SAMM50: variants seen among roughly 807,000 people sequenced by gnomAD.
The protein encoded by SAMM50 is sorting and assembly machinery component 50 homolog.
In SAMM50, 47 loss-of-function variants were observed where a neutral mutation model predicts 66.9. The ratio of observed to expected loss-of-function variants is 0.70; its 90% CI spans 0.56 to 0.90. SAMM50 has a LOEUF of 0.90. Among genes scored for constraint, SAMM50 ranks in the 40% least tolerant of loss-of-function variants. SAMM50 has a pLI of 0.00. For synonymous variants in SAMM50, 191 were observed against 214.1 expected (o/e 0.89, Z 0.94); for missense variants, 535 against 595.3 (o/e 0.90, Z 1.05).
chr22:43,976,031 A>G (rs1424466807), intron 7 of SAMM50, 24 bp from the exon 8 acceptor site: 2 of 1,596,080 alleles, frequency 1.3e-6, no homozygotes, highest in East Asian at 4.5e-5. Context: ...TGGTCCGGAA[A>G]GATGTCTGAT....
At chr22:43,955,866 GA>G (rs1336419600) in intron 1 of SAMM50, among the ~76,000 whole-genome samples, 1 of 152,232 alleles carries the variant, frequency 6.6e-6, no homozygotes, top group Non-Finnish European at 1.5e-5. Context: ...AACTTTCTGT[GA>G]TGTCTTAGAC....
chr22:43,977,830 A>C, intron 9 of SAMM50, 42 bp from the exon 10 acceptor site: 1 of 1,332,440 alleles, frequency 7.5e-7, no homozygotes, highest in Non-Finnish European at 1.1e-6. Context: ...CCCTGTAATA[A>C]GTCTGTTTGC....
At chr22:43,957,604 G>A (rs1395795890) in intron 1 of SAMM50, among the ~76,000 whole-genome samples, 1 of 152,132 alleles carries the variant, frequency 6.6e-6, no homozygotes, top group East Asian at 1.9e-4. Context: ...TGTATTTTTA[G>A]TAGAGACGGG....
intron 13 of SAMM50, 82 bp downstream of exon 13, chr22:43,989,339 CTT>C (rs34147065): frequency 0.014 from 14,009 of 968,320 alleles, no homozygotes; most frequent in Middle Eastern, 0.018. Context: ...AGGTGTCTGT[CTT>C]TTTTTTTTTT....
rs938573203 is a variant in SAMM50, at chr22:43,972,122, A to G, written c.323-114A>G. 38 of 587,324 alleles carry G rather than the reference A, an allele frequency of 6.5e-5. 1 individual carries two copies. Among genetic ancestry groups the G allele is most frequent in the Middle Eastern group, 2.7e-4 (1 of 3,768 alleles). 36.4% of individuals were successfully genotyped at this position (587,324 alleles called of 1,614,324 possible). A position where few individuals can be genotyped will look rare whatever the true frequency, so the allele number is the denominator to read the frequency against. The stretch of plus-strand genomic sequence containing the variant: ...TTCTCATGATTATATTATTTTCTAA[A>G]GGAGATTGTAAAATAGAATGAACCT... On this transcript the variant is annotated intron_variant, in intron 4 of 14. Transcript: ENST00000350028.
At chr22:43,973,415 A>ATC in intron 7 of SAMM50, 92 bp downstream of exon 7, 2 of 762,392 alleles carry the variant, frequency 2.6e-6, no homozygotes, top group Non-Finnish European at 4.7e-6. Context: ...GGCAGCGTGG[A>ATC]AAGCACAGGC....
chr22:43,973,141 A>T lies in SAMM50; in HGVS notation c.561-95A>T, dbSNP rs1458420634. The T allele has an allele frequency of 1.9e-5, 25 of 1,325,792 alleles. No individual in the cohort carries two copies. In the East Asian group the frequency reaches 5.9e-4, roughly 31 times the overall value. 82.1% of individuals were successfully genotyped at this position (1,325,792 alleles called of 1,614,324 possible). A position where few individuals can be genotyped will look rare whatever the true frequency, so the allele number is the denominator to read the frequency against. ...TGCTGTAGATTTCCTCTTGAAGATGAGCCCTACGGGCGTAGTGTTAAGTCT... is the reference window on the plus strand; with the variant it reads ...TGCTGTAGATTTCCTCTTGAAGATGTGCCCTACGGGCGTAGTGTTAAGTCT... On this transcript the variant is annotated intron_variant, in intron 6 of 14. Transcript: ENST00000350028.
At chr22:43,968,576 C>A (rs2050186277) in intron 3 of SAMM50, among the ~76,000 whole-genome samples, 155 bp from the exon 4 acceptor site, 1 of 152,168 alleles carries the variant, frequency 6.6e-6, no homozygotes, top group African/African-American at 2.4e-5. Flanking sequence ...TGGTGCTTTT[C>A]CCTTCTGTCA....
chr22:43,957,131 C>T, intron 1 of SAMM50: 2 of 797,638 alleles, frequency 2.5e-6, no homozygotes, highest in Non-Finnish European at 4.5e-6. Context: ...GTGTTTATGC[C>T]CGAGATGAAA....
Position 43,989,223 on chromosome 22 carries a change from T to C in SAMM50, c.1188T>C (p.Phe396=). The change falls in exon 13 of 15, where the codon TTT becomes TTC. Residue 396 remains phenylalanine, a synonymous_variant. Coordinates refer to ENST00000350028, the MANE Select transcript of SAMM50 (RefSeq NM_015380.5). ...GAGAACTTTTCCGAACACACTTCTTTCTCAACGCAGGAAACCTCTGCAACC... is the reference window on the plus strand; with the variant it reads ...GAGAACTTTTCCGAACACACTTCTTCCTCAACGCAGGAAACCTCTGCAACC... The part of the protein sequence containing the change: ...GFGELFRTHF[F]LNAGNLCNLN... The C allele has an allele frequency of 1.2e-6, 2 of 1,614,200 alleles. No homozygotes were observed. Among genetic ancestry groups the C allele is most frequent in the Non-Finnish European group, 1.7e-6 (2 of 1,180,036 alleles).
rs148877418 is a variant in SAMM50 at position 43,976,324 on chromosome 22, C to T, written c.777+141C>T. Reference sequence around the variant, plus strand: ...GTCCACAGTGGCGGCCCCCACTCCCCGAGGGCTTGTGGTGTCCTGCCTCGC... The same window carrying T: ...GTCCACAGTGGCGGCCCCCACTCCCTGAGGGCTTGTGGTGTCCTGCCTCGC... On this transcript the variant is annotated intron_variant, in intron 8 of 14. Transcript: ENST00000350028. 735 of 950,108 alleles carry T rather than the reference C, an allele frequency of 7.7e-4. 4 individuals carry two copies. In the African/African-American group the frequency reaches 0.011, roughly 14 times the overall value. 58.9% of individuals were successfully genotyped at this position (950,108 alleles called of 1,614,324 possible).
At chr22:43,955,639 C>T (rs755533678) in intron 1 of SAMM50, 41 bp downstream of exon 1, 2 of 1,561,112 alleles carry the variant, frequency 1.3e-6, no homozygotes, top group South Asian at 2.3e-5. Flanking sequence ...GGCCTCTGGG[C>T]CAGCAGGGCA....
At chr22:43,968,950 C>T in intron 4 of SAMM50, 132 bp downstream of exon 4, 1 of 631,452 alleles carries the variant, frequency 1.6e-6, no homozygotes, top group Admixed American at 2.6e-5. Context: ...GTTGATCAAA[C>T]AGGTAGTCCT....
chr22:43,968,226 C>CAAAAAAAAAAAAAAAAAA (rs66961907), intron 3 of SAMM50, among the ~76,000 whole-genome samples: 9 of 68,616 alleles, frequency 1.3e-4, no homozygotes, highest in Non-Finnish European at 2.2e-4. Flanking sequence ...AACTCTGTCT[C>CAAAAAAAAAAAAAAAAAA]AAAAAAAAAA....
At chr22:43,993,638 C>T (rs118021477) in intron 14 of SAMM50, among the ~76,000 whole-genome samples, 6,567 of 152,270 alleles carry the variant, frequency 0.043, 198 homozygotes, top group South Asian at 0.08. Context: ...GAGCTCTGAA[C>T]GGGGTCAGCC....
intron 7 of SAMM50, chr22:43,975,254 G>A (rs1474438498): frequency 1.3e-5 from 2 of 152,644 alleles, no homozygotes; most frequent in East Asian, 1.9e-4. Context: ...CCATGAAGGC[G>A]GGATGGAGTG....
At chr22:43,996,048 C>T (rs1350994254) in intron 14 of SAMM50, 7 of 470,998 alleles carry the variant, frequency 1.5e-5, no homozygotes, top group African/African-American at 3.9e-5. Context: ...CCTCTCCGTC[C>T]GGAGAGGGGA....
At position 43,984,544 on chromosome 22, in the gene SAMM50, C is replaced by A. The variant is rs2050281768; in HGVS notation, c.1075+544C>A. Among the ~76,000 whole-genome samples, 10 of 152,058 alleles carry A rather than the reference C, an allele frequency of 6.6e-5. 1 individual carries two copies. The South Asian group carries it at 2.1e-3, about 32-fold the overall frequency. ...GCCAGGCTGGTCTCAAACTCCTGACCTCGTGATCCGCCTGCCTCAGCCTCC... is the reference window on the plus strand; with the variant it reads ...GCCAGGCTGGTCTCAAACTCCTGACATCGTGATCCGCCTGCCTCAGCCTCC... On this transcript the variant is annotated intron_variant, in intron 12 of 14. Transcript: ENST00000350028.
intron 10 of SAMM50, among the ~76,000 whole-genome samples, chr22:43,978,797 G>T (rs1160416097): frequency 6.6e-6 from 1 of 152,176 alleles, no homozygotes; most frequent in Non-Finnish European, 1.5e-5. Context: ...GTGGCTGGGG[G>T]CAGCTCTGCC....
Sources: allele counts gnomAD v4.1 joint callset (sites outside exome capture counted in the v4.1 genomes callset), GRCh38; gene constraint gnomAD v4.1.1; transcripts MANE v1.5; gene names NCBI Gene and HGNC (gene_info 2026-07-23, HGNC 2026-07-21).